LITAF: variants seen among roughly 807,000 people sequenced by gnomAD.
The protein encoded by LITAF is lipopolysaccharide induced TNF factor.
A neutral mutation model predicts 14.5 loss-of-function variants in LITAF; 9 were observed. That is an observed-to-expected ratio of 0.62 (90% CI 0.37 to 1.08). The LOEUF (loss-of-function observed/expected upper bound fraction) is 1.08. Among genes scored for constraint, LITAF ranks in the 50% least tolerant of loss-of-function variants. The pLI, the probability that LITAF is intolerant of heterozygous loss-of-function variation, is 0.01. For synonymous variants in LITAF, 98 were observed against 88.2 expected (o/e 1.11, Z -0.62); for missense variants, 206 against 213.4 (o/e 0.97, Z 0.22).
At chr16:11,618,766 C>T (rs1426524299) in intron 3 of LITAF, among the ~76,000 whole-genome samples, 3 of 151,906 alleles carry the variant, frequency 2.0e-5, no homozygotes. Flanking sequence ...GGGCGGATCA[C>T]GAGGTCAGGA....
intron 1 of LITAF, chr16:11,636,170 G>A (rs2065137363): frequency 6.6e-6 from 1 of 152,188 alleles, no homozygotes; most frequent in African/African-American, 2.4e-5. Flanking sequence ...AGCCGGGCTG[G>A]GGCAATCAGG....
intron 1 of LITAF, among the ~76,000 whole-genome samples, chr16:11,561,834 G>A (rs1334381812): frequency 1.8e-5 from 2 of 110,392 alleles, no homozygotes; most frequent in African/African-American, 7.8e-5. Flanking sequence ...CCCCAACTAC[G>A]AAACTCTTAG....
chr16:11,622,095 T>C (rs2065054347), intron 3 of LITAF, among the ~76,000 whole-genome samples: 1 of 152,164 alleles, frequency 6.6e-6, no homozygotes, highest in South Asian at 2.1e-4. Flanking sequence ...CGGTGGCTGA[T>C]GAGGGTGGAG....
intron 3 of LITAF, among the ~76,000 whole-genome samples, chr16:11,621,848 A>T (rs2065053314): frequency 6.6e-6 from 1 of 152,024 alleles, no homozygotes; most frequent in Non-Finnish European, 1.5e-5. Flanking sequence ...CTGCTCTCAG[A>T]GCTCCGGGGC....
chr16:11,565,340 C>T (rs1269761788), intron 1 of LITAF, among the ~76,000 whole-genome samples: 5 of 151,426 alleles, frequency 3.3e-5, no homozygotes. Context: ...GCCTCAGCCG[C>T]CCAAAGTGCT....
At chr16:11,606,511 T>A (rs2064955848) in intron 3 of LITAF, among the ~76,000 whole-genome samples, 1 of 152,106 alleles carries the variant, frequency 6.6e-6, no homozygotes, top group Non-Finnish European at 1.5e-5. Context: ...ACATGAATGA[T>A]AAGAAAGTGA....
At chr16:11,563,461 A>T (rs374758422) in intron 1 of LITAF, among the ~76,000 whole-genome samples, 166 of 152,254 alleles carry the variant, frequency 1.1e-3, no homozygotes, top group African/African-American at 3.8e-3. Flanking sequence ...GAAATTATTA[A>T]AAACCAGAAA....
At chr16:11,620,322 T>G (rs35820033) in intron 3 of LITAF, among the ~76,000 whole-genome samples, 40,488 of 151,918 alleles carry the variant, frequency 0.27, 7,117 homozygotes, top group African/African-American at 0.49. Flanking sequence ...TCACTCTGAG[T>G]TCATGGGAGA....
chr16:11,621,221 C>T (rs886885631), intron 3 of LITAF, among the ~76,000 whole-genome samples: 4 of 152,212 alleles, frequency 2.6e-5, no homozygotes, highest in African/African-American at 4.8e-5. Flanking sequence ...TGTGCCACCA[C>T]GCCCAACTAA....
chr16:11,584,105 A>T (rs556791801), intron 1 of LITAF: 2 of 152,232 alleles, frequency 1.3e-5, no homozygotes, highest in African/African-American at 2.4e-5. Context: ...TCAAATTCAG[A>T]ACAGACCATG....
rs987808055 is a variant in LITAF at position 11,628,165 on chromosome 16, T to G, written c.85+5368A>C. Among the ~76,000 whole-genome samples the G allele has an allele frequency of 5.9e-5, 9 of 152,082 alleles. No individual in the cohort carries two copies. The East Asian group carries it at 1.7e-3, about 29-fold the overall frequency. On this transcript the variant is annotated intron_variant, in intron 3 of 3. Transcript: ENST00000574848. The stretch of plus-strand genomic sequence containing the variant: ...CTGTGGTAATGAATCAATACCCAAA[T>G]AAGACCTGGTTCGTTTCTCAAGCAG...
At chr16:11,576,534 C>CAAAAAAA (rs66551972) in intron 1 of LITAF, among the ~76,000 whole-genome samples, 5 of 62,976 alleles carry the variant, frequency 7.9e-5, no homozygotes, top group Non-Finnish European at 1.1e-4. Flanking sequence ...TTACAATCTG[C>CAAAAAAA]AAAAAAAAAA....
intron 1 of LITAF, among the ~76,000 whole-genome samples, chr16:11,571,686 A>G (rs2064543307): frequency 6.6e-6 from 1 of 152,150 alleles, no homozygotes; most frequent in African/African-American, 2.4e-5. Context: ...AATCTGGTGA[A>G]TGTGGCCATC....
chr16:11,608,980 CAA>C (rs3048072), intron 3 of LITAF, among the ~76,000 whole-genome samples: 1 of 149,696 alleles, frequency 6.7e-6, no homozygotes, highest in Non-Finnish European at 1.5e-5. Flanking sequence ...AACAAACAAA[CAA>C]AAAAAAACGC....
upstream of LITAF, among the ~76,000 whole-genome samples, chr16:11,639,705 T>C (rs1462422069): frequency 6.6e-6 from 1 of 151,892 alleles, no homozygotes; most frequent in African/African-American, 2.4e-5. Context: ...TTTAAAATAA[T>C]CTTTTTAGGC....
chr16:11,549,753 G>C lies in LITAF; in HGVS notation c.378-8C>G. The C allele has an allele frequency of 6.2e-7, 1 of 1,607,914 alleles. No individual in the cohort carries two copies. Among genetic ancestry groups the C allele is most frequent in the Non-Finnish European group, 8.5e-7 (1 of 1,175,852 alleles). ...CAGCAGCCCGCTATGCACCTGGGAG[G>C]AGAGAGAGACACACGGAGCGCGTTA... On this transcript the variant is annotated splice_region_variant and splice_polypyrimidine_tract_variant and intron_variant, in intron 3 of 3. Coordinates refer to ENST00000622633, the MANE Select transcript of LITAF (RefSeq NM_001136472.2). The surrounding 1 kb of genome is among the most constrained non-coding windows in gnomAD (Gnocchi z 4.6).
upstream of LITAF, among the ~76,000 whole-genome samples, chr16:11,638,438 C>A (rs183779553): frequency 6.6e-6 from 1 of 151,872 alleles, no homozygotes; most frequent in Non-Finnish European, 1.5e-5. Context: ...TATGGTGGCT[C>A]ACGCCTATAA....
chr16:11,611,642 T>A (rs1010170481), intron 3 of LITAF, among the ~76,000 whole-genome samples: 1 of 151,652 alleles, frequency 6.6e-6, no homozygotes, highest in African/African-American at 2.4e-5. Context: ...CTTTTTTTTC[T>A]TTCTTTCTTT....
chr16:11,559,378 T>C (rs1433459260), intron 1 of LITAF, among the ~76,000 whole-genome samples: 3 of 152,236 alleles, frequency 2.0e-5, no homozygotes, highest in African/African-American at 7.2e-5. Context: ...GCAATTTAAA[T>C]GTGAAAACTA....
Sources: allele counts gnomAD v4.1 joint callset (sites outside exome capture counted in the v4.1 genomes callset), GRCh38; gene constraint gnomAD v4.1.1; non-coding constraint Gnocchi (gnomAD v3.1); transcripts MANE v1.5; gene names NCBI Gene and HGNC (gene_info 2026-07-23, HGNC 2026-07-21).